GRIK1: variants seen among roughly 807,000 people sequenced by gnomAD.
GRIK1 encodes glutamate receptor ionotropic, kainate 1.
In GRIK1, 69 loss-of-function variants were observed where a neutral mutation model predicts 105.7. That is an observed-to-expected ratio of 0.65 (90% CI 0.54 to 0.80). The LOEUF (loss-of-function observed/expected upper bound fraction) is 0.80. Ranked by LOEUF, GRIK1 falls within the 30% of genes least tolerant of loss-of-function variation. GRIK1 has a pLI of 0.00. For synonymous variants in GRIK1, 438 were observed against 431.3 expected, an observed-to-expected ratio of 1.02 and a Z score of -0.19; for missense variants, 1,109 against 1,167.3, an observed-to-expected ratio of 0.95 and a Z score of 0.73.
chr21:29,909,092 A>G (rs1440727822), intron 1 of GRIK1, among the ~76,000 whole-genome samples: 1 of 152,106 alleles, frequency 6.6e-6, no homozygotes, highest in Non-Finnish European at 1.5e-5. Context: ...TTGTATGCCC[A>G]TTTTCAAAGA....
chr21:29,575,287 C>CA (rs1391832940), intron 14 of GRIK1, among the ~76,000 whole-genome samples: 1 of 151,236 alleles, frequency 6.6e-6, no homozygotes, highest in Non-Finnish European at 1.5e-5. Context: ...ACAGTCCACT[C>CA]AAAAAATAAT....
intron 1 of GRIK1, among the ~76,000 whole-genome samples, chr21:29,785,687 T>C (rs1008742306): frequency 7.2e-5 from 11 of 152,150 alleles, no homozygotes; most frequent in African/African-American, 2.7e-4. Flanking sequence ...CAGCTTTTTG[T>C]TCCCTGGGCA....
chr21:29,639,112 T>C (rs950342291), intron 7 of GRIK1, among the ~76,000 whole-genome samples: 2 of 152,350 alleles, frequency 1.3e-5, no homozygotes, highest in South Asian at 2.1e-4. Context: ...GTCCAGCTCC[T>C]GACTCTGTCT....
intron 1 of GRIK1, among the ~76,000 whole-genome samples, chr21:29,867,983 AGAG>A (rs1460849490): frequency 1.1e-4 from 17 of 148,708 alleles, no homozygotes; most frequent in Admixed American, 8.1e-4. Context: ...AGAGAGAAAA[AGAG>A]GAGAGAAGGA....
In GRIK1 at chr21:29,587,964, C is replaced by CTTTTTTTTTTTTTTTTTTTTTTT. The variant is rs568648777; in HGVS notation, c.1570-398_1570-376dup. ...GCTCTGAGCTGAAAACTTTAAAATT[C>CTTTTTTTTTTTTTTTTTTTTTTT]TTTTTTTTTTTTTTTTTTTTTTTTT... On this transcript the variant is annotated intron_variant, in intron 11 of 17. Transcript: ENST00000327783. Among the ~76,000 whole-genome samples, 10 of 65,410 alleles carry CTTTTTTTTTTTTTTTTTTTTTTT rather than the reference C, an allele frequency of 1.5e-4. 2 individuals are homozygous for CTTTTTTTTTTTTTTTTTTTTTTT. Among genetic ancestry groups the CTTTTTTTTTTTTTTTTTTTTTTT allele is most frequent in the African/African-American group, 5.3e-4 (8 of 15,204 alleles). 42.9% of individuals were successfully genotyped at this position (65,410 alleles called of 152,430 possible).
At chr21:29,607,631 C>T (rs2061650276) in intron 7 of GRIK1, among the ~76,000 whole-genome samples, 1 of 152,028 alleles carries the variant, frequency 6.6e-6, no homozygotes, top group African/African-American at 2.4e-5. Context: ...CATATTTGAC[C>T]ACATTTAATT....
At chr21:29,792,165 T>C (rs1282040196) in intron 1 of GRIK1, among the ~76,000 whole-genome samples, 2 of 152,128 alleles carry the variant, frequency 1.3e-5, no homozygotes, top group East Asian at 3.8e-4. Context: ...TATGTGTATA[T>C]GTATGTGTAT....
At chr21:29,882,619 G>T (rs965712278) in intron 1 of GRIK1, among the ~76,000 whole-genome samples, 2 of 152,074 alleles carry the variant, frequency 1.3e-5, no homozygotes, top group Non-Finnish European at 2.9e-5. Flanking sequence ...CATGCGCAAA[G>T]AACTTACAAA....
chr21:29,912,086 G>C (rs1167981958), intron 1 of GRIK1, among the ~76,000 whole-genome samples: 1 of 152,034 alleles, frequency 6.6e-6, no homozygotes, highest in African/African-American at 2.4e-5. Context: ...AAATGATAAA[G>C]TGGATATGGT....
At chr21:29,799,351 G>A (rs1472190669) in intron 1 of GRIK1, among the ~76,000 whole-genome samples, 1 of 152,136 alleles carries the variant, frequency 6.6e-6, no homozygotes, top group Non-Finnish European at 1.5e-5. Context: ...CTCACTTAAG[G>A]TAGAGAGTAG....
At chr21:29,863,643 C>A (rs545429783) in intron 1 of GRIK1, among the ~76,000 whole-genome samples, 2 of 152,206 alleles carry the variant, frequency 1.3e-5, no homozygotes, top group Admixed American at 1.3e-4. Flanking sequence ...TTTTCTTGTA[C>A]TCCTGTCATT....
At chr21:29,934,794 A>C (rs1461269059) in intron 1 of GRIK1, among the ~76,000 whole-genome samples, 2 of 152,224 alleles carry the variant, frequency 1.3e-5, no homozygotes, top group Non-Finnish European at 2.9e-5. Flanking sequence ...CAAGAAAAGT[A>C]GCTGAAGTTG....
At chr21:29,579,053 G>T (rs2090958707) in intron 13 of GRIK1, among the ~76,000 whole-genome samples, 1 of 152,048 alleles carries the variant, frequency 6.6e-6, no homozygotes. Flanking sequence ...ATGGCATTAA[G>T]AGTGGACAGA....
intron 1 of GRIK1, among the ~76,000 whole-genome samples, chr21:29,780,716 T>A (rs993404116): frequency 6.6e-6 from 1 of 152,254 alleles, no homozygotes; most frequent in Non-Finnish European, 1.5e-5. Context: ...GATGATTAGA[T>A]ATTGTTCTTA....
chr21:29,870,206 A>G (rs1359663830), intron 1 of GRIK1, among the ~76,000 whole-genome samples: 1 of 152,148 alleles, frequency 6.6e-6, no homozygotes, highest in Non-Finnish European at 1.5e-5. Context: ...TTTATATATC[A>G]TGTTGTGTAC....
chr21:29,557,791 T>G (rs764249667), intron 15 of GRIK1, among the ~76,000 whole-genome samples: 1 of 152,196 alleles, frequency 6.6e-6, no homozygotes, highest in Non-Finnish European at 1.5e-5. Flanking sequence ...GATATACCCA[T>G]AGCAGGTGAG....
rs568018002 is a variant in GRIK1 at position 29,782,064 on chromosome 21, C to T, written c.119-88001G>A. Among the ~76,000 whole-genome samples, 4 of 151,688 alleles carry T rather than the reference C, an allele frequency of 2.6e-5. No individual in the cohort carries two copies. In the East Asian group the frequency reaches 5.8e-4, roughly 22 times the overall value. On this transcript the variant is annotated intron_variant, in intron 1 of 17. Coordinates refer to ENST00000327783, the MANE Select transcript of GRIK1 (RefSeq NM_001330994.2). Reference sequence around the variant, plus strand: ...CATTTGGGTACTGCCAACTCACTGTCCCGTATACAACACTGCAACACCTTT... The same window carrying T: ...CATTTGGGTACTGCCAACTCACTGTTCCGTATACAACACTGCAACACCTTT...
chr21:29,542,710 G>A (rs2089991174), intron 16 of GRIK1, among the ~76,000 whole-genome samples: 1 of 152,178 alleles, frequency 6.6e-6, no homozygotes, highest in Non-Finnish European at 1.5e-5. Context: ...GGTAGGTATA[G>A]GTAAACATTT....
chr21:29,632,837 C>T (rs2062311579), intron 7 of GRIK1, among the ~76,000 whole-genome samples: 1 of 152,172 alleles, frequency 6.6e-6, no homozygotes, highest in East Asian at 1.9e-4. Flanking sequence ...TCATCTGAGG[C>T]CAACACTCCC....
Sources: gnomAD v4.1 joint callset for allele counts (sites outside exome capture counted in the v4.1 genomes callset) on GRCh38, gnomAD v4.1.1 for gene constraint, MANE v1.5 for transcripts, NCBI Gene and HGNC (gene_info 2026-07-23, HGNC 2026-07-21) for gene names.